Variants in RSF1 observed in about 807,000 individuals in gnomAD.
The protein encoded by RSF1 is remodeling and spacing factor 1, also known as HBV pX-associated protein 8.
RSF1 carries 13 observed loss-of-function variants against 145.2 expected under a neutral mutation model. The observed-to-expected ratio is 0.09, with a 90% CI of 0.06 to 0.14. RSF1 has a LOEUF of 0.14. RSF1 is among the 10% of genes least tolerant of loss of function. The pLI is 1.00. For missense variants in RSF1, 1,517 were observed against 1,718.2 expected, an observed-to-expected ratio of 0.88 and a Z score of 2.07; for synonymous variants, 577 against 592.6, an observed-to-expected ratio of 0.97 and a Z score of 0.38.
At chr11:77,704,496 C>A (rs769855253) in intron 5 of RSF1, among the ~76,000 whole-genome samples, 2 of 152,066 alleles carry the variant, frequency 1.3e-5, no homozygotes, top group Admixed American at 6.6e-5. Context: ...TGTTTTCATT[C>A]GAAGGTAACT....
At position 77,678,166 on chromosome 11, in the gene RSF1, C is replaced by T. The variant is rs765907034; in HGVS notation, c.3066-13G>A. The T allele has an allele frequency of 3.2e-5, 48 of 1,523,532 alleles. No homozygotes were observed. The highest frequency in any genetic ancestry group is 4.2e-5 in the Non-Finnish European group (46 of 1,103,978). The allele number at this position is 1,523,532 out of a possible 1,614,324, so 94.4% of individuals were successfully genotyped here. A position where few individuals can be genotyped will look rare whatever the true frequency, so the allele number is the denominator to read the frequency against. ...AAACTCATCAAATCTAAAATATACA[C>T]AATGATCACATTATAGCCTGTCCTG... On this transcript the variant is annotated splice_polypyrimidine_tract_variant and intron_variant, in intron 11 of 15. Coordinates refer to ENST00000308488, the MANE Select transcript of RSF1 (RefSeq NM_016578.4).
chr11:77,797,671 TTAAAC>T (rs1948586146), intron 1 of RSF1, among the ~76,000 whole-genome samples: 1 of 152,108 alleles, frequency 6.6e-6, no homozygotes, highest in Non-Finnish European at 1.5e-5. Flanking sequence ...CGGAATCTAA[TTAAAC>T]TAAAGAGCTT....
At chr11:77,678,336 C>T (rs756929631) in intron 11 of RSF1, among the ~76,000 whole-genome samples, 183 bp from the exon 12 acceptor site, 8 of 152,034 alleles carry the variant, frequency 5.3e-5, no homozygotes, top group Non-Finnish European at 1.0e-4. Flanking sequence ...CCAGCCTCAG[C>T]CTCCCGAGTA....
In RSF1 at chr11:77,667,313, A is replaced by G. The variant is rs17751908; in HGVS notation, c.3930T>C (p.Ser1310=). 1.2e-6 allele frequency: 2 copies of G among 1,612,848 alleles called. No individual in the cohort carries two copies. The highest frequency in any genetic ancestry group is 2.2e-5 in the East Asian group (1 of 44,822). ...LHRIETDEEE[S]CDNAHGDANQ... is the part of the protein sequence containing the mutation. ...TTGCATCTCCATGAGCATTGTCACAACTCTCCTCCTCATCCGTCTCAATCC... is the reference window on the plus strand; with the variant it reads ...TTGCATCTCCATGAGCATTGTCACAGCTCTCCTCCTCATCCGTCTCAATCC... The change falls in exon 16 of 16, where the codon AGT becomes AGC. Residue 1310 remains serine (S), a synonymous_variant. Transcript: ENST00000308488.
intron 1 of RSF1, among the ~76,000 whole-genome samples, chr11:77,807,572 G>T (rs111467048): frequency 2.6e-5 from 4 of 152,216 alleles, no homozygotes; most frequent in African/African-American, 9.6e-5. Flanking sequence ...AAAGACAGAT[G>T]AAGTGGCTAT....
In RSF1 at chr11:77,725,976, A is replaced by T. The variant is rs185069826; in HGVS notation, c.579-277T>A. On this transcript the variant is annotated intron_variant, in intron 4 of 15. Transcript: ENST00000308488. ...GGTTGAAAAGAAAAGTAGGAACAAA[A>T]TTACACAAAAATCAACGTTTGATAA... 6.2e-3 allele frequency among the ~76,000 whole-genome samples: 951 copies of T among 152,296 alleles called. 4 individuals carry two copies. The highest frequency in any genetic ancestry group is 0.011 in the Non-Finnish European group (752 of 68,004).
chr11:77,855,342 CAG>C, the RSF1 span: 2 of 152,268 alleles, frequency 1.3e-5, no homozygotes, highest in Admixed American at 6.5e-5. Flanking sequence ...TGTTTTGAGA[CAG>C]AGTCTCACTC....
chr11:77,842,646 G>A, the RSF1 span: 2 of 1,612,690 alleles, frequency 1.2e-6, no homozygotes, highest in Non-Finnish European at 8.5e-7. Context: ...ATTAGTCTTT[G>A]GTTGATACTA....
chr11:77,745,338 G>C (rs1289327501), intron 3 of RSF1, among the ~76,000 whole-genome samples: 1 of 151,818 alleles, frequency 6.6e-6, no homozygotes, highest in Non-Finnish European at 1.5e-5. Context: ...CGTTCTTCTA[G>C]TTTCTTGCAG....
intron 11 of RSF1, among the ~76,000 whole-genome samples, chr11:77,682,000 T>A (rs184284121): frequency 1.3e-5 from 2 of 152,320 alleles, no homozygotes; most frequent in East Asian, 3.9e-4. Context: ...TTTTCCATAA[T>A]CTCTATGGTT....
chr11:77,754,596 T>G (rs1441444068), intron 2 of RSF1, among the ~76,000 whole-genome samples: 1 of 119,114 alleles, frequency 8.4e-6, no homozygotes, highest in Admixed American at 9.7e-5. Flanking sequence ...TAGCCAGGCA[T>G]GGTGGTGCAG....
rs549722558 is a variant in RSF1, at chr11:77,739,909, CAA to C, written c.578+820_578+821del. Among the ~76,000 whole-genome samples, 102 of 144,990 alleles carry C rather than the reference CAA, an allele frequency of 7.0e-4. 2 individuals are homozygous for C. In the Middle Eastern group the frequency reaches 0.014, roughly 19 times the overall value. ...TTCTGTTCAAATATATTTGTCAACACAAATAAAAAATCAAGATTTTTAAAAAG... is the reference window on the plus strand; with the variant it reads ...TTCTGTTCAAATATATTTGTCAACACATAAAAAATCAAGATTTTTAAAAAG... On this transcript the variant is annotated intron_variant, in intron 4 of 15. Transcript: ENST00000308488.
At chr11:77,820,851 G>A (rs145506885), upstream of RSF1, 449 of 880,516 alleles carry the variant, frequency 5.1e-4, 1 homozygote, top group Admixed American at 8.2e-4. Context: ...TCTCAGGGAC[G>A]GCTCCGCGAT....
the RSF1 span, among the ~76,000 whole-genome samples, chr11:77,845,412 C>T: frequency 6.6e-6 from 1 of 151,530 alleles, no homozygotes; most frequent in African/African-American, 2.4e-5. Flanking sequence ...CTTTCCAGCT[C>T]CAGAATTTCT....
At chr11:77,788,179 T>TAAAAAAGA (rs1948479170) in intron 1 of RSF1, among the ~76,000 whole-genome samples, 1 of 42,914 alleles carries the variant, frequency 2.3e-5, no homozygotes. Context: ...AAAAAAAAAT[T>TAAAAAAGA]AGGGGTAAAA....
chr11:77,736,045 A>AT (rs1352124262), intron 4 of RSF1, among the ~76,000 whole-genome samples: 1 of 152,134 alleles, frequency 6.6e-6, no homozygotes, highest in Non-Finnish European at 1.5e-5. Flanking sequence ...CCATCACTTG[A>AT]TTTTCTAAAG....
intron 12 of RSF1, among the ~76,000 whole-genome samples, chr11:77,677,214 G>A (rs1959732532): frequency 6.6e-6 from 1 of 152,098 alleles, no homozygotes; most frequent in Admixed American, 6.6e-5. Flanking sequence ...ACTATGTAGG[G>A]AACCTCGTTT....
upstream of RSF1, among the ~76,000 whole-genome samples, chr11:77,823,618 T>C (rs1949036569): frequency 1.6e-5 from 1 of 62,928 alleles, no homozygotes; most frequent in African/African-American, 7.6e-5. Context: ...CTACACCCTG[T>C]CTCAAAAAAA....
At chr11:77,790,687 T>G (rs1948508240) in intron 1 of RSF1, among the ~76,000 whole-genome samples, 2 of 152,240 alleles carry the variant, frequency 1.3e-5, no homozygotes, top group Admixed American at 6.5e-5. Context: ...CCATTCCAAA[T>G]GGGAGACACT....
Sources: allele counts gnomAD v4.1 joint callset (sites outside exome capture counted in the v4.1 genomes callset), GRCh38; gene constraint gnomAD v4.1.1; transcripts MANE v1.5; gene names NCBI Gene and HGNC (gene_info 2026-07-23, HGNC 2026-07-21).